PCDHGA6: variants seen among roughly 807,000 people sequenced by gnomAD.
PCDHGA6 encodes the protein protocadherin gamma-A6.
Under a neutral mutation model 60.6 loss-of-function variants are expected in PCDHGA6, and 41 were observed. The observed-to-expected ratio is 0.68, with a 90% CI of 0.53 to 0.88. PCDHGA6 has a LOEUF of 0.88. Ranked by LOEUF, PCDHGA6 falls within the 40% of genes least tolerant of loss-of-function variation. The pLI, the probability that PCDHGA6 is intolerant of heterozygous loss-of-function variation, is 0.00. For synonymous variants in PCDHGA6, 594 were observed against 524.4 expected, an observed-to-expected ratio of 1.13 and a Z score of -1.81; for missense variants, 1,312 against 1,203.0, an observed-to-expected ratio of 1.09 and a Z score of -1.34.
At chr5:141,498,419 G>A (rs78940285) in intron 2 of PCDHGA6, among the ~76,000 whole-genome samples, 4,023 of 152,260 alleles carry the variant, frequency 0.026, 75 homozygotes, top group Non-Finnish European at 0.043. Flanking sequence ...TGCTGGCACT[G>A]GAGTGAGGGG....
intron 1 of PCDHGA6, chr5:141,404,696 G>T: frequency 6.2e-7 from 1 of 1,614,104 alleles, no homozygotes; most frequent in South Asian, 1.1e-5. Flanking sequence ...ACCCCGCTCT[G>T]CAGAGCCTGG....
chr5:141,470,768 G>T (rs2099239559), intron 1 of PCDHGA6, among the ~76,000 whole-genome samples: 1 of 152,142 alleles, frequency 6.6e-6, no homozygotes, highest in South Asian at 2.1e-4. Context: ...ACTCACTACA[G>T]TCTTGAATTC....
At chr5:141,494,455 G>A (rs906714175) in intron 1 of PCDHGA6, among the ~76,000 whole-genome samples, 2 of 152,156 alleles carry the variant, frequency 1.3e-5, no homozygotes, top group African/African-American at 4.8e-5. Flanking sequence ...AGGGGGCTTT[G>A]TCTGCACCTC....
chr5:141,389,196 C>T, intron 1 of PCDHGA6: 1 of 1,614,048 alleles, frequency 6.2e-7, no homozygotes, highest in South Asian at 1.1e-5. Flanking sequence ...CAGCATCACC[C>T]TGCACATTGG....
rs766164142 is a variant in PCDHGA6, at chr5:141,477,910, G to A, written c.2425-16897G>A. On this transcript the variant is annotated intron_variant, in intron 1 of 3. Transcript: ENST00000517434. The surrounding 1 kb of genome is among the most constrained non-coding windows in gnomAD (Gnocchi z 4.9). ...TGTCACGGGTGGTAGGCTGGGACGC[G>A]GATGCAGGGCACAATGCCTGGCTCT... 6.2e-7 allele frequency: 1 copy of A among 1,614,166 alleles called. No individual in the cohort carries two copies. Among genetic ancestry groups the A allele is most frequent in the Admixed American group, 1.7e-5 (1 of 60,020 alleles).
chr5:141,382,964 C>A (rs373652237), intron 1 of PCDHGA6: 1 of 1,608,238 alleles, frequency 6.2e-7, no homozygotes. Context: ...CTCCTGGGGA[C>A]CCCCTGGGAA....
intron 1 of PCDHGA6, chr5:141,399,270 A>G (rs1318152877): frequency 1.2e-6 from 2 of 1,613,854 alleles, no homozygotes; most frequent in African/African-American, 1.3e-5. Flanking sequence ...TTAATTGTCA[A>G]TTACAAGGCG....
intron 1 of PCDHGA6, among the ~76,000 whole-genome samples, chr5:141,457,594 TA>T (rs1239366532): frequency 6.6e-6 from 1 of 152,250 alleles, no homozygotes; most frequent in Non-Finnish European, 1.5e-5. Flanking sequence ...TCATTTTTGG[TA>T]AAAACTAATT....
Position 141,375,149 on chromosome 5 carries a change from A to G in PCDHGA6, c.1066A>G (p.Ile356Val), listed in dbSNP as rs1340397113. Residue 356 changes from isoleucine to valine, a missense_variant, in exon 1 of 4, where the codon ATT becomes GTT. Coordinates refer to ENST00000517434, the MANE Select transcript of PCDHGA6 (RefSeq NM_018919.3). ...GGTTGTTACATCTGGAAGCAGAACA[A>G]TTGCTGAAAGTGCACCTCCAGGAAC... ...EVVVTSGSRT[I>V]AESAPPGTVI... The G allele has an allele frequency of 6.2e-7, 1 of 1,613,944 alleles. No individual in the cohort carries two copies.
chr5:141,435,838 C>T (rs1037110579), intron 1 of PCDHGA6, among the ~76,000 whole-genome samples: 1 of 152,062 alleles, frequency 6.6e-6, no homozygotes, highest in Non-Finnish European at 1.5e-5. Context: ...TGCCTATCTA[C>T]TTTGAAAGAT....
chr5:141,478,678 C>T (rs3805695), intron 1 of PCDHGA6: 273,671 of 1,551,084 alleles, frequency 0.18, 26,385 homozygotes, highest in African/African-American at 0.39. Context: ...TTCAACTGGC[C>T]CTTCCTAGAT....
intron 1 of PCDHGA6, chr5:141,398,512 C>G: frequency 1.3e-6 from 2 of 1,588,756 alleles, no homozygotes; most frequent in Non-Finnish European, 1.7e-6. Context: ...CATTAATGAC[C>G]ACACGCCAAA....
chr5:141,419,122 C>T (rs1418298635), intron 1 of PCDHGA6: 2 of 1,613,862 alleles, frequency 1.2e-6, no homozygotes, highest in African/African-American at 1.3e-5. Flanking sequence ...ACAACGTCAC[C>T]ATCGCAGCCA....
rs370503146 is a variant in PCDHGA6 at position 141,511,012 on chromosome 5, G to A, written c.2638G>A (p.Gly880Arg). 11 of 1,614,060 alleles carry A rather than the reference G, an allele frequency of 6.8e-6. No individual in the cohort carries two copies. Among genetic ancestry groups the A allele is most frequent in the Middle Eastern group, 1.6e-4 (1 of 6,084 alleles). ...AGTMGLSARYGPQFTLQHVPD... is the reference protein window; with the variant it reads ...AGTMGLSARYRPQFTLQHVPD... The stretch of plus-strand genomic sequence containing the variant: ...CACCATGGGATTGAGCGCCCGCTAC[G>A]GACCCCAGTTCACCCTGCAGCACGT... The change falls in exon 4 of 4, where the codon GGA (glycine) becomes AGA (arginine). Residue 880 changes from glycine (G) to arginine (R), a missense_variant. Transcript: ENST00000517434.
chr5:141,415,461 T>G, intron 1 of PCDHGA6: 1 of 1,614,180 alleles, frequency 6.2e-7, no homozygotes, highest in African/African-American at 1.3e-5. Flanking sequence ...ACGAGGTCTC[T>G]CTCACCGCGG....
chr5:141,415,096 G>A (rs1398998410), intron 1 of PCDHGA6: 3 of 1,613,462 alleles, frequency 1.9e-6, no homozygotes, highest in Non-Finnish European at 2.5e-6. Flanking sequence ...GGACAGAGAC[G>A]CGCTCAAGCA....
At chr5:141,501,308 C>T (rs1220463692) in intron 2 of PCDHGA6, among the ~76,000 whole-genome samples, 2 of 151,492 alleles carry the variant, frequency 1.3e-5, no homozygotes, top group African/African-American at 2.4e-5. Context: ...CACACACACA[C>T]ACACACACAC....
At chr5:141,456,421 A>C (rs1358944131) in intron 1 of PCDHGA6, among the ~76,000 whole-genome samples, 1 of 152,150 alleles carries the variant, frequency 6.6e-6, no homozygotes, top group Non-Finnish European at 1.5e-5. Context: ...GAAACAATTC[A>C]AGTTATAGTA....
intron 1 of PCDHGA6, chr5:141,399,170 T>C (rs1159402714): frequency 6.2e-7 from 1 of 1,613,798 alleles, no homozygotes. Flanking sequence ...TTCCATTCTC[T>C]ACTTGAAATG....
Sources: gnomAD v4.1 joint callset for allele counts (sites outside exome capture counted in the v4.1 genomes callset) on GRCh38, gnomAD v4.1.1 for gene constraint, Gnocchi (gnomAD v3.1) non-coding constraint, MANE v1.5 for transcripts, NCBI Gene and HGNC (gene_info 2026-07-23, HGNC 2026-07-21) for gene names.